The following GRIP1 variants were observed in gnomAD, a reference collection of about 807,000 sequenced individuals.
GRIP1 encodes the protein glutamate receptor interacting protein 1.
Under a neutral mutation model 129.9 loss-of-function variants are expected in GRIP1, and 45 were observed. That is an observed-to-expected ratio of 0.35 (90% CI 0.27 to 0.44). GRIP1 has a LOEUF of 0.44. Among genes scored for constraint, GRIP1 ranks in the 20% least tolerant of loss-of-function variants. The pLI is 1.00. For missense variants in GRIP1, 1,196 were observed against 1,396.8 expected (o/e 0.86, Z 2.29); for synonymous variants, 530 against 520.8 (o/e 1.02, Z -0.24).
intron 14 of GRIP1, among the ~76,000 whole-genome samples, chr12:66,424,908 C>A (rs1297532018): frequency 1.7e-5 from 2 of 120,346 alleles, no homozygotes; most frequent in Admixed American, 1.7e-4. Flanking sequence ...ATCTTGGGGA[C>A]TTCCTTCCCA....
chr12:66,915,022 T>C (rs774859051), intron 1 of GRIP1, among the ~76,000 whole-genome samples: 7 of 152,194 alleles, frequency 4.6e-5, no homozygotes, highest in Non-Finnish European at 7.4e-5. Flanking sequence ...ACATAAATCA[T>C]GTCTCTGGAT....
chr12:67,035,218 G>A (rs375699367), intron 1 of GRIP1, among the ~76,000 whole-genome samples: 4 of 152,092 alleles, frequency 2.6e-5, no homozygotes, highest in Admixed American at 6.6e-5. Context: ...AAAAAAAAAC[G>A]TGTTTCCTCC....
chr12:67,005,490 C>T (rs1437444934), intron 1 of GRIP1, among the ~76,000 whole-genome samples: 1 of 152,152 alleles, frequency 6.6e-6, no homozygotes, highest in Non-Finnish European at 1.5e-5. Flanking sequence ...CTTTACAACT[C>T]ACAAAAATCT....
At chr12:66,587,024 G>A (rs1372196363) in intron 2 of GRIP1, among the ~76,000 whole-genome samples, 1 of 152,142 alleles carries the variant, frequency 6.6e-6, no homozygotes, top group Non-Finnish European at 1.5e-5. Context: ...ACAGGACACA[G>A]CCTTGTCTCT....
intron 9 of GRIP1, among the ~76,000 whole-genome samples, chr12:66,462,207 A>G (rs146066291): frequency 1.8e-4 from 27 of 152,348 alleles, no homozygotes; most frequent in African/African-American, 6.3e-4. Flanking sequence ...GTTGTTCTCT[A>G]TCCTAAGAAA....
intron 1 of GRIP1, among the ~76,000 whole-genome samples, chr12:66,798,046 T>A (rs1427859393): frequency 6.6e-6 from 1 of 152,196 alleles, no homozygotes; most frequent in African/African-American, 2.4e-5. Flanking sequence ...TGAACATTGC[T>A]CTTCCAAGGG....
At chr12:66,940,211 C>G (rs972313923) in intron 1 of GRIP1, among the ~76,000 whole-genome samples, 3 of 151,966 alleles carry the variant, frequency 2.0e-5, no homozygotes. Flanking sequence ...ATTCAAATAA[C>G]AGAAATGAAG....
At chr12:66,531,302 T>TATATATAC (rs1565833961) in intron 4 of GRIP1, among the ~76,000 whole-genome samples, 8 of 98,180 alleles carry the variant, frequency 8.1e-5, no homozygotes, top group Non-Finnish European at 1.7e-4. Context: ...TATATATATA[T>TATATATAC]ACACACACAC....
intron 1 of GRIP1, among the ~76,000 whole-genome samples, chr12:66,621,404 C>T (rs933569349): frequency 2.6e-5 from 4 of 152,142 alleles, no homozygotes; most frequent in African/African-American, 9.7e-5. Flanking sequence ...TAATGTCTTC[C>T]AAGTGTATCC....
intron 1 of GRIP1, among the ~76,000 whole-genome samples, chr12:66,745,565 G>A (rs1005853029): frequency 2.0e-5 from 3 of 152,152 alleles, no homozygotes; most frequent in Non-Finnish European, 4.4e-5. Flanking sequence ...GACTACAATA[G>A]AAGATAAATG....
At chr12:67,065,192 G>A (rs1270688361) in intron 1 of GRIP1, 2 of 145,198 alleles carry the variant, frequency 1.4e-5, no homozygotes, top group Non-Finnish European at 3.0e-5. Flanking sequence ...AAAAAAACTA[G>A]CCAGCCATGG....
chr12:66,372,781 C>T (rs2055582105), intron 22 of GRIP1, among the ~76,000 whole-genome samples: 1 of 151,434 alleles, frequency 6.6e-6, no homozygotes, highest in East Asian at 1.9e-4. Flanking sequence ...GATTTGAAAC[C>T]AATATCAAGT....
intron 1 of GRIP1, among the ~76,000 whole-genome samples, chr12:66,991,134 G>A (rs1175112343): frequency 4.6e-5 from 7 of 151,686 alleles, no homozygotes; most frequent in Non-Finnish European, 1.0e-4. Context: ...TTAGCCAGGC[G>A]AGGTGGTGGG....
intron 13 of GRIP1, among the ~76,000 whole-genome samples, chr12:66,434,110 C>G (rs2058229621): frequency 6.6e-6 from 1 of 152,152 alleles, no homozygotes; most frequent in African/African-American, 2.4e-5. Flanking sequence ...AGACCAGAAT[C>G]TGATTTTTCA....
chr12:66,715,323 T>A (rs192017257), intron 1 of GRIP1, among the ~76,000 whole-genome samples: 59 of 152,078 alleles, frequency 3.9e-4, no homozygotes, highest in Non-Finnish European at 5.7e-4. Context: ...CCCCAGACAG[T>A]GCTCATGCTG....
intron 1 of GRIP1, among the ~76,000 whole-genome samples, chr12:66,856,002 G>T (rs2039996401): frequency 6.6e-6 from 1 of 151,900 alleles, no homozygotes; most frequent in African/African-American, 2.4e-5. Flanking sequence ...AGGGATAGTT[G>T]AATCTCAGTG....
chr12:66,812,564 A>T (rs1566035347), intron 1 of GRIP1, among the ~76,000 whole-genome samples: 1 of 152,262 alleles, frequency 6.6e-6, no homozygotes, highest in Non-Finnish European at 1.5e-5. Flanking sequence ...GAAACAGAAT[A>T]TGGAGGGAAA....
intron 1 of GRIP1, among the ~76,000 whole-genome samples, chr12:67,008,761 G>A (rs975969072): frequency 2.0e-5 from 3 of 152,072 alleles, no homozygotes; most frequent in African/African-American, 7.2e-5. Context: ...AACTATAGAT[G>A]CTATTAATTT....
chr12:66,413,489 G>C (rs765817105), intron 15 of GRIP1, among the ~76,000 whole-genome samples: 11 of 152,094 alleles, frequency 7.2e-5, no homozygotes, highest in Non-Finnish European at 1.0e-4. Context: ...AGGACCACAT[G>C]GATTTACAGC....
Sources: allele counts gnomAD v4.1 joint callset (sites outside exome capture counted in the v4.1 genomes callset), GRCh38; gene constraint gnomAD v4.1.1; transcripts MANE v1.5; gene names NCBI Gene and HGNC (gene_info 2026-07-23, HGNC 2026-07-21).